Variants in DPY19L4 observed in about 807,000 individuals in gnomAD.
DPY19L4 encodes the protein probable C-mannosyltransferase DPY19L4.
Under a neutral mutation model 102.8 loss-of-function variants are expected in DPY19L4, and 97 were observed. The observed-to-expected ratio is 0.94, with a 90% CI of 0.80 to 1.12. The LOEUF (loss-of-function observed/expected upper bound fraction) is 1.12. Among genes scored for constraint, DPY19L4 ranks in the 50% most tolerant of loss-of-function variants. The pLI is 0.00. For missense variants in DPY19L4, 815 were observed against 850.4 expected (o/e 0.96, Z 0.52); for synonymous variants, 252 against 283.1 (o/e 0.89, Z 1.10).
At chr8:94,724,945 T>C (rs1477997460) in intron 1 of DPY19L4, among the ~76,000 whole-genome samples, 1 of 152,148 alleles carries the variant, frequency 6.6e-6, no homozygotes, top group African/African-American at 2.4e-5. Context: ...GACTACAGAA[T>C]AAATGGTAGT....
intron 8 of DPY19L4, among the ~76,000 whole-genome samples, chr8:94,764,390 C>G (rs747311541): frequency 1.2e-4 from 18 of 151,802 alleles, no homozygotes; most frequent in Admixed American, 5.3e-4. Context: ...TCCTGACTAA[C>G]ACGGTGAAAT....
At chr8:94,784,861 G>C (rs541914859) in intron 17 of DPY19L4, among the ~76,000 whole-genome samples, 217 of 152,280 alleles carry the variant, frequency 1.4e-3, no homozygotes, top group African/African-American at 5.0e-3. Flanking sequence ...TATTGACTCA[G>C]TATAACATTA....
intron 15 of DPY19L4, 125 bp from the exon 16 acceptor site, chr8:94,780,959 T>C: frequency 1.5e-6 from 1 of 675,510 alleles, no homozygotes; most frequent in East Asian, 3.0e-5. Flanking sequence ...ATGCGAACGG[T>C]GTTGTAATAT....
chr8:94,769,795 T>C (rs962434411), intron 12 of DPY19L4, among the ~76,000 whole-genome samples: 1 of 152,144 alleles, frequency 6.6e-6, no homozygotes, highest in Admixed American at 6.5e-5. Context: ...ATTTAGTTAT[T>C]CAAATTATCA....
rs139299831 is a variant in DPY19L4 at position 94,755,091 on chromosome 8, C to T, written c.612-945C>T. Among the ~76,000 whole-genome samples, 1,236 of 152,238 alleles carry T rather than the reference C, an allele frequency of 8.1e-3. 19 individuals are homozygous for T. The highest frequency in any genetic ancestry group is 0.028 in the African/African-American group (1,158 of 41,552). ...GCATGATCCACCGTGCCCGGCCTGA[C>T]ATTCCTATATTTCTGATTCTGGGAA... On this transcript the variant is annotated intron_variant, in intron 6 of 18. Coordinates refer to ENST00000414645, the MANE Select transcript of DPY19L4 (RefSeq NM_181787.3).
At chr8:94,732,701 T>A (rs903325832) in intron 2 of DPY19L4, among the ~76,000 whole-genome samples, 3 of 152,072 alleles carry the variant, frequency 2.0e-5, no homozygotes, top group African/African-American at 4.8e-5. Context: ...AAAAAAAAAA[T>A]TTCTGAATGA....
At position 94,720,021 on chromosome 8, in the gene DPY19L4, G is replaced by T. The variant is rs1394383005; in HGVS notation, c.16+7G>T. On this transcript the variant is annotated splice_region_variant and intron_variant, in intron 1 of 18. Coordinates refer to ENST00000414645, the MANE Select transcript of DPY19L4 (RefSeq NM_181787.3). ...ACGATGGCGGAGGAAGAAGGTGATT[G>T]CCGCGGGGTCCAGCGCGCCAACGGC... 1.3e-6 allele frequency: 2 copies of T among 1,530,214 alleles called. No homozygotes were observed. Among genetic ancestry groups the T allele is most frequent in the Non-Finnish European group, 1.8e-6 (2 of 1,139,858 alleles). 94.8% of individuals were successfully genotyped at this position (1,530,214 alleles called of 1,614,324 possible).
chr8:94,778,951 C>T (rs1396074135), intron 14 of DPY19L4, among the ~76,000 whole-genome samples: 1 of 152,064 alleles, frequency 6.6e-6, no homozygotes, highest in Non-Finnish European at 1.5e-5. Flanking sequence ...TGTCATGCTG[C>T]GGAGCTGGCT....
chr8:94,785,560 T>C (rs1453799632), intron 17 of DPY19L4, among the ~76,000 whole-genome samples: 2 of 152,222 alleles, frequency 1.3e-5, no homozygotes, highest in Non-Finnish European at 2.9e-5. Context: ...TGGAATGTCA[T>C]GCTGAAAAAT....
intron 12 of DPY19L4, among the ~76,000 whole-genome samples, chr8:94,769,505 A>G (rs949927259): frequency 2.6e-5 from 4 of 152,234 alleles, no homozygotes; most frequent in South Asian, 2.1e-4. Context: ...TAACGTAAGA[A>G]TAATTTCTTC....
intron 6 of DPY19L4, among the ~76,000 whole-genome samples, chr8:94,751,772 G>A (rs1217719982): frequency 6.6e-6 from 1 of 152,200 alleles, no homozygotes; most frequent in Non-Finnish European, 1.5e-5. Context: ...TTACAGGTGT[G>A]AGCAAGCATG....
intron 13 of DPY19L4, among the ~76,000 whole-genome samples, chr8:94,775,714 A>G (rs1813146681): frequency 6.6e-6 from 1 of 152,218 alleles, no homozygotes; most frequent in Non-Finnish European, 1.5e-5. Flanking sequence ...AGATTCTTCC[A>G]GTCTCTTCCG....
intron 17 of DPY19L4, among the ~76,000 whole-genome samples, chr8:94,784,974 A>C (rs1586428922): frequency 6.6e-6 from 1 of 152,238 alleles, no homozygotes; most frequent in East Asian, 1.9e-4. Flanking sequence ...TCAACTGAAC[A>C]TGAGTTCCCA....
intron 6 of DPY19L4, chr8:94,744,254 C>T (rs1239602511): frequency 4.7e-6 from 2 of 424,228 alleles, no homozygotes; most frequent in Non-Finnish European, 9.3e-6. Context: ...CTTCCAAGCT[C>T]ACTCATGTGG....
chr8:94,747,261 C>T (rs1053163043), intron 6 of DPY19L4, among the ~76,000 whole-genome samples: 3 of 152,108 alleles, frequency 2.0e-5, no homozygotes, highest in African/African-American at 7.2e-5. Context: ...CCATGCTGCC[C>T]AGGCTGGTCT....
chr8:94,720,677 A>G (rs1038185580), intron 1 of DPY19L4, among the ~76,000 whole-genome samples: 2 of 152,230 alleles, frequency 1.3e-5, no homozygotes, highest in East Asian at 3.8e-4. Flanking sequence ...CTTCAGGATC[A>G]ATGCTAAGAT....
rs962822543 is a variant in DPY19L4, at chr8:94,790,865, A to C, written c.*955A>C. 2.0e-5 allele frequency: 3 copies of C among 152,172 alleles called. No homozygotes were observed. The East Asian group carries it at 5.8e-4, about 29-fold the overall frequency. The allele number at this position is 152,172 out of a possible 1,614,324, so 9.4% of individuals were successfully genotyped here. On this transcript the variant is annotated 3_prime_UTR_variant, in exon 19 of 19. Transcript: ENST00000414645. ...GTTAAACGTACCTCTGCATACAGAT[A>C]TATTATAAAACACAAGCAATGTTAT...
chr8:94,764,666 C>CGTGT (rs201694887), intron 8 of DPY19L4, among the ~76,000 whole-genome samples: 9 of 78,360 alleles, frequency 1.1e-4, no homozygotes, highest in African/African-American at 4.9e-4. Flanking sequence ...TGTATGTATG[C>CGTGT]GTGTGTGTGT....
rs903757087 is a variant in DPY19L4, at chr8:94,766,656, T to A, written c.1146T>A (p.Leu382=). The A allele has an allele frequency of 6.2e-7, 1 of 1,613,990 alleles. No individual in the cohort carries two copies. Among genetic ancestry groups the A allele is most frequent in the African/African-American group, 1.3e-5 (1 of 75,038 alleles). ...AAAATGGGCACATGCTGAAATTCCT[T>A]GAAGTAAAATTTGGACTAAATATGA... ...HKENGHMLKF[L]EVKFGLNMTK... The change falls in exon 11 of 19, where the codon CTT becomes CTA. Residue 382 remains leucine (L), a synonymous_variant. Coordinates refer to ENST00000414645, the MANE Select transcript of DPY19L4 (RefSeq NM_181787.3).
Sources: allele counts gnomAD v4.1 joint callset (sites outside exome capture counted in the v4.1 genomes callset), GRCh38; gene constraint gnomAD v4.1.1; transcripts MANE v1.5; gene names NCBI Gene and HGNC (gene_info 2026-07-23, HGNC 2026-07-21).